Variants in STAG1 observed in about 807,000 individuals in gnomAD.
STAG1 encodes the protein STAG1 cohesin complex component.
A neutral mutation model predicts 170.9 loss-of-function variants in STAG1; 26 were observed. That is an observed-to-expected ratio of 0.15 (90% CI 0.11 to 0.21). The LOEUF (loss-of-function observed/expected upper bound fraction) is 0.21. Among genes scored for constraint, STAG1 ranks in the 10% least tolerant of loss-of-function variants. STAG1 has a pLI of 1.00. For missense variants in STAG1, 964 were observed against 1,509.5 expected, an observed-to-expected ratio of 0.64 and a Z score of 5.99; for synonymous variants, 514 against 497.7, an observed-to-expected ratio of 1.03 and a Z score of -0.44.
At chr3:136,498,251 C>CAT (rs1397265962) in intron 9 of STAG1, among the ~76,000 whole-genome samples, 17 of 64,270 alleles carry the variant, frequency 2.6e-4, no homozygotes, top group African/African-American at 1.3e-3. Flanking sequence ...CATATACATA[C>CAT]ACACACACAC....
chr3:136,607,945 A>G (rs1004277049), intron 3 of STAG1, among the ~76,000 whole-genome samples: 16 of 152,284 alleles, frequency 1.1e-4, no homozygotes, highest in Middle Eastern at 3.4e-3. Context: ...TTGGAAAATG[A>G]TATCAGAGAG....
At chr3:136,347,705 T>C (rs1461433230) in intron 29 of STAG1, among the ~76,000 whole-genome samples, 1 of 152,218 alleles carries the variant, frequency 6.6e-6, no homozygotes, top group Non-Finnish European at 1.5e-5. Context: ...GCTAGATAGA[T>C]ATGAGGCATT....
At chr3:136,420,655 C>T (rs1052876129) in intron 20 of STAG1, among the ~76,000 whole-genome samples, 1 of 152,196 alleles carries the variant, frequency 6.6e-6, no homozygotes, top group Admixed American at 6.5e-5. Context: ...TTCACAGGTA[C>T]GATCATGGGC....
chr3:136,608,040 T>C (rs1289328419), intron 3 of STAG1, among the ~76,000 whole-genome samples: 1 of 152,172 alleles, frequency 6.6e-6, no homozygotes, highest in Non-Finnish European at 1.5e-5. Context: ...GCAGATCACC[T>C]GAGATAAGGA....
chr3:136,407,986 T>G (rs1247275944), intron 21 of STAG1, among the ~76,000 whole-genome samples: 1 of 152,182 alleles, frequency 6.6e-6, no homozygotes, highest in East Asian at 1.9e-4. Context: ...TCCTCTAGTT[T>G]TCCACTGAGA....
chr3:136,554,049 T>C (rs912800193), intron 5 of STAG1, among the ~76,000 whole-genome samples: 2 of 150,708 alleles, frequency 1.3e-5, no homozygotes, highest in South Asian at 4.2e-4. Flanking sequence ...GAAAAAAAAA[T>C]AGAACACTAG....
intron 1 of STAG1, among the ~76,000 whole-genome samples, chr3:136,715,860 G>C (rs1943527804): frequency 6.6e-6 from 1 of 151,636 alleles, no homozygotes; most frequent in Non-Finnish European, 1.5e-5. Flanking sequence ...CACTTTGGGA[G>C]GCCAAGGCAG....
chr3:136,338,148 CAA>C lies in STAG1; in HGVS notation c.*104_*105del. 1 of 751,100 alleles carries C rather than the reference CAA, an allele frequency of 1.3e-6. No homozygotes were observed. The highest frequency in any genetic ancestry group is 2.3e-6 in the Non-Finnish European group (1 of 441,386). The allele number at this position is 751,100 out of a possible 1,614,324, so 46.5% of individuals were successfully genotyped here. ...TGACCTTAATCATTTGATTAAAAAA[CAA>C]ATCAGATCACATCAAAAGTGTTTTT... On this transcript the variant is annotated 3_prime_UTR_variant, in exon 34 of 34. Transcript: ENST00000383202.
intron 21 of STAG1, among the ~76,000 whole-genome samples, chr3:136,406,889 C>T (rs1389333909): frequency 6.6e-6 from 1 of 152,206 alleles, no homozygotes; most frequent in African/African-American, 2.4e-5. Context: ...GGCTAATGCA[C>T]ATTAATCCTT....
At chr3:136,375,933 C>T (rs1303024722) in intron 23 of STAG1, among the ~76,000 whole-genome samples, 1 of 149,800 alleles carries the variant, frequency 6.7e-6, no homozygotes, top group African/African-American at 2.5e-5. Context: ...CACGCCACTG[C>T]ACACCAGCCC....
At position 136,341,801 on chromosome 3, in the gene STAG1, C is replaced by T. The variant is rs1935981444; in HGVS notation, c.3447-250G>A. 2.0e-5 allele frequency among the ~76,000 whole-genome samples: 3 copies of T among 152,352 alleles called. No individual in the cohort carries two copies. In the South Asian group the frequency reaches 6.2e-4, roughly 32 times the overall value. On this transcript the variant is annotated intron_variant, in intron 30 of 33. Transcript: ENST00000383202. ...ACCAAATCTCTGCCAAACAAGGGTTCTCAGACCTCTGTTTTGGGCTGGTGC... is the reference window on the plus strand; with the variant it reads ...ACCAAATCTCTGCCAAACAAGGGTTTTCAGACCTCTGTTTTGGGCTGGTGC...
intron 6 of STAG1, among the ~76,000 whole-genome samples, chr3:136,528,996 G>A (rs1422047791): frequency 4.0e-5 from 6 of 150,928 alleles, no homozygotes; most frequent in Non-Finnish European, 5.9e-5. Flanking sequence ...CACAAATTTT[G>A]GAACTGAATA....
intron 1 of STAG1, among the ~76,000 whole-genome samples, chr3:136,632,895 T>C (rs952995765): frequency 6.6e-6 from 1 of 152,172 alleles, no homozygotes; most frequent in Non-Finnish European, 1.5e-5. Flanking sequence ...AGAGGGTTTT[T>C]CCCTCTTTTG....
intron 22 of STAG1, among the ~76,000 whole-genome samples, chr3:136,388,797 C>A (rs1233022215): frequency 6.6e-6 from 1 of 152,116 alleles, no homozygotes; most frequent in Non-Finnish European, 1.5e-5. Flanking sequence ...GATTACTGTA[C>A]CACTTAGGGG....
chr3:136,581,727 G>A (rs1298667027), intron 4 of STAG1, among the ~76,000 whole-genome samples: 1 of 151,712 alleles, frequency 6.6e-6, no homozygotes, highest in East Asian at 1.9e-4. Flanking sequence ...CTTCTACTTA[G>A]GATAATGAAA....
At chr3:136,682,793 A>C (rs1024268108) in intron 1 of STAG1, among the ~76,000 whole-genome samples, 2 of 152,198 alleles carry the variant, frequency 1.3e-5, no homozygotes, top group Non-Finnish European at 2.9e-5. Flanking sequence ...ATTTAAAAGA[A>C]GGCTCTCCAA....
At chr3:136,459,043 C>A (rs751206189) in intron 13 of STAG1, among the ~76,000 whole-genome samples, 5 of 151,882 alleles carry the variant, frequency 3.3e-5, no homozygotes, top group Admixed American at 6.6e-5. Flanking sequence ...CATGGTGAAA[C>A]CCTGTCTCTA....
chr3:136,410,749 G>A (rs112511298), intron 21 of STAG1, among the ~76,000 whole-genome samples: 11,851 of 152,164 alleles, frequency 0.078, 480 homozygotes, highest in Non-Finnish European at 0.094. Context: ...CAAGGTGGGT[G>A]GATCACTTGA....
chr3:136,409,668 CA>C (rs2087572605), intron 21 of STAG1, among the ~76,000 whole-genome samples: 1 of 152,128 alleles, frequency 6.6e-6, no homozygotes. Flanking sequence ...TCGCCCCCTA[CA>C]TTACACTCAG....
Sources: allele counts gnomAD v4.1 joint callset (sites outside exome capture counted in the v4.1 genomes callset), GRCh38; gene constraint gnomAD v4.1.1; transcripts MANE v1.5; gene names NCBI Gene and HGNC (gene_info 2026-07-23, HGNC 2026-07-21).